Variants in CDH13 observed in about 807,000 individuals in gnomAD.
The protein encoded by CDH13 is cadherin-13.
In CDH13, 24 loss-of-function variants were observed where a neutral mutation model predicts 63.8. The ratio of observed to expected loss-of-function variants is 0.38; its 90% confidence interval spans 0.27 to 0.53. The LOEUF is 0.53. CDH13 is among the 20% of genes least tolerant of loss of function. The probability of loss-of-function intolerance (pLI) is 0.85; values close to 1 mark genes in which losing one functional copy is unlikely to be tolerated. For synonymous variants in CDH13, 503 were observed against 355.3 expected (o/e 1.42, Z -4.67); for missense variants, 1,049 against 903.1 (o/e 1.16, Z -2.07).
At chr16:82,858,690 A>G (rs2039806134) in intron 2 of CDH13, 1 of 610,916 alleles carries the variant, frequency 1.6e-6, no homozygotes, top group East Asian at 2.7e-5. Flanking sequence ...GTATTTTATC[A>G]TCAGTGGGTA....
chr16:83,244,134 A>G (rs1269018590), intron 5 of CDH13, among the ~76,000 whole-genome samples: 1 of 151,624 alleles, frequency 6.6e-6, no homozygotes, highest in Non-Finnish European at 1.5e-5. Flanking sequence ...GCATCCATTT[A>G]TTTCTGCTCG....
intron 4 of CDH13, among the ~76,000 whole-genome samples, chr16:83,157,510 C>T (rs1019579984): frequency 1.3e-5 from 2 of 152,258 alleles, no homozygotes; most frequent in African/African-American, 4.8e-5. Context: ...ATTGTGAAAA[C>T]TGTGTCACAT....
intron 3 of CDH13, among the ~76,000 whole-genome samples, chr16:83,110,865 G>C (rs991461684): frequency 6.6e-6 from 1 of 151,950 alleles, no homozygotes; most frequent in Non-Finnish European, 1.5e-5. Context: ...CAAAACCCTG[G>C]GACCTTGGGT....
At chr16:83,751,853 G>T (rs1281416727) in intron 11 of CDH13, among the ~76,000 whole-genome samples, 3 of 152,240 alleles carry the variant, frequency 2.0e-5, no homozygotes, top group Admixed American at 2.0e-4. Context: ...GAGTTTCAGA[G>T]GACTGGTCCT....
intron 10 of CDH13, among the ~76,000 whole-genome samples, chr16:83,741,775 C>G: frequency 6.6e-6 from 1 of 152,254 alleles, no homozygotes; most frequent in East Asian, 1.9e-4. Flanking sequence ...AAACATGGGT[C>G]CCCTACATCA....
chr16:82,867,107 C>T (rs538440890), intron 2 of CDH13, among the ~76,000 whole-genome samples: 1 of 152,142 alleles, frequency 6.6e-6, no homozygotes, highest in Non-Finnish European at 1.5e-5. Flanking sequence ...CACAACAGCT[C>T]TTAGGGGAAA....
intron 7 of CDH13, among the ~76,000 whole-genome samples, chr16:83,533,464 G>A (rs8055579): frequency 0.14 from 21,769 of 152,038 alleles, 1,884 homozygotes; most frequent in African/African-American, 0.25. Context: ...ACAGGAAGTC[G>A]GATCTGTGTA....
At chr16:83,346,066 T>A (rs1032099184) in intron 6 of CDH13, among the ~76,000 whole-genome samples, 1 of 152,138 alleles carries the variant, frequency 6.6e-6, no homozygotes, top group Non-Finnish European at 1.5e-5. Context: ...AGGAGCTGGG[T>A]CTTTATGCAC....
intron 1 of CDH13, among the ~76,000 whole-genome samples, chr16:82,677,306 C>T (rs970137371): frequency 6.6e-6 from 1 of 151,824 alleles, no homozygotes; most frequent in African/African-American, 2.4e-5. Context: ...GATCTGATAC[C>T]CCTCTTATTC....
intron 8 of CDH13, among the ~76,000 whole-genome samples, chr16:83,613,446 A>AAT (rs1032811824): frequency 6.6e-6 from 1 of 152,048 alleles, no homozygotes; most frequent in Non-Finnish European, 1.5e-5. Flanking sequence ...CACACACATA[A>AAT]ATATATATAT....
At chr16:83,002,678 T>A (rs1913064999) in intron 2 of CDH13, among the ~76,000 whole-genome samples, 1 of 152,002 alleles carries the variant, frequency 6.6e-6, no homozygotes, top group African/African-American at 2.4e-5. Flanking sequence ...GGGGAAGAGG[T>A]TTGCTTGTGA....
intron 1 of CDH13, among the ~76,000 whole-genome samples, chr16:82,795,763 G>A (rs1258350949): frequency 6.6e-6 from 1 of 151,996 alleles, no homozygotes; most frequent in Non-Finnish European, 1.5e-5. Context: ...AGAAAACAAT[G>A]GCTGTAGTGG....
At chr16:82,994,551 C>G (rs1441437387) in intron 2 of CDH13, among the ~76,000 whole-genome samples, 3 of 152,202 alleles carry the variant, frequency 2.0e-5, no homozygotes, top group Non-Finnish European at 4.4e-5. Flanking sequence ...TTCTCTCTCA[C>G]TCTGGAAGCC....
intron 1 of CDH13, among the ~76,000 whole-genome samples, chr16:82,629,683 G>T (rs12051272): frequency 0.036 from 5,514 of 152,244 alleles, 379 homozygotes; most frequent in East Asian, 0.33. Flanking sequence ...AAGCTTATTG[G>T]CTTGGTTGTT....
chr16:83,107,197 C>T (rs543528230), intron 3 of CDH13, among the ~76,000 whole-genome samples: 31 of 152,122 alleles, frequency 2.0e-4, no homozygotes, highest in Non-Finnish European at 4.1e-4. Flanking sequence ...TCTAGTCATA[C>T]TGCAGGGGGT....
intron 7 of CDH13, among the ~76,000 whole-genome samples, chr16:83,567,188 C>T (rs114442933): frequency 0.011 from 1,686 of 152,348 alleles, 41 homozygotes; most frequent in African/African-American, 0.038. Context: ...TGGGCTTTCC[C>T]AGTGCCCAGT....
chr16:82,883,225 A>G (rs2040766508), intron 2 of CDH13, among the ~76,000 whole-genome samples: 1 of 152,218 alleles, frequency 6.6e-6, no homozygotes, highest in Non-Finnish European at 1.5e-5. Flanking sequence ...ATGAGAAATG[A>G]AAGCAGGCAG....
chr16:83,546,314 G>A (rs2075385736), intron 7 of CDH13, among the ~76,000 whole-genome samples: 1 of 152,086 alleles, frequency 6.6e-6, no homozygotes, highest in African/African-American at 2.4e-5. Context: ...ACTTTGTCCG[G>A]AATTCATGCA....
chr16:82,886,403 C>T (rs2040887494), intron 2 of CDH13, among the ~76,000 whole-genome samples: 1 of 152,200 alleles, frequency 6.6e-6, no homozygotes, highest in Admixed American at 6.5e-5. Context: ...TGTGTTATCA[C>T]TGCAAACGTT....
Sources: gnomAD v4.1 joint callset for allele counts (sites outside exome capture counted in the v4.1 genomes callset) on GRCh38, gnomAD v4.1.1 for gene constraint, MANE v1.5 for transcripts, NCBI Gene and HGNC (gene_info 2026-07-23, HGNC 2026-07-21) for gene names.